The following ABL2 variants were observed in gnomAD, a reference collection of about 807,000 sequenced individuals.
ABL2 encodes tyrosine-protein kinase ABL2.
ABL2 carries 49 observed loss-of-function variants against 107.7 expected under a neutral mutation model. The ratio of observed to expected loss-of-function variants is 0.45; its 90% CI spans 0.36 to 0.58. The LOEUF is 0.58. Among genes scored for constraint, ABL2 ranks in the 20% least tolerant of loss-of-function variants. ABL2 has a pLI of 0.00. For synonymous variants in ABL2, 549 were observed against 548.6 expected (o/e 1.00, Z -0.01); for missense variants, 1,245 against 1,457.0 (o/e 0.85, Z 2.37).
intron 1 of ABL2, 71 bp downstream of exon 1, chr1:179,229,170 G>GCCCCCCCCCCCCCCCCCCC: frequency 1.5e-5 from 4 of 266,256 alleles, no homozygotes; most frequent in South Asian, 5.8e-5. Flanking sequence ...CAGCCCGTCC[G>GCCCCCCCCCCCCCCCCCCC]CCACCCACCC....
intron 1 of ABL2, among the ~76,000 whole-genome samples, chr1:179,206,762 T>C (rs911069255): frequency 2.6e-5 from 4 of 152,158 alleles, no homozygotes; most frequent in African/African-American, 9.7e-5. Context: ...ATAAATGTAC[T>C]GACCCTTCAA....
At chr1:179,140,621 GA>G (rs1202055283) in intron 1 of ABL2, among the ~76,000 whole-genome samples, 1 of 152,162 alleles carries the variant, frequency 6.6e-6, no homozygotes, top group Non-Finnish European at 1.5e-5. Flanking sequence ...AAGATTTGCT[GA>G]ATGAATGAAC....
At chr1:179,118,172 C>T (rs916815313) in intron 7 of ABL2, among the ~76,000 whole-genome samples, 2 of 147,226 alleles carry the variant, frequency 1.4e-5, no homozygotes, top group Non-Finnish European at 3.0e-5. Flanking sequence ...AAAAAAAAAG[C>T]CACTAGATGG....
chr1:179,122,016 C>T (rs989603371), intron 4 of ABL2, 149 bp from the exon 5 acceptor site: 2 of 765,592 alleles, frequency 2.6e-6, no homozygotes, highest in Admixed American at 3.2e-5. Context: ...AGCTCCGCCT[C>T]CCGGGTTCAC....
chr1:179,100,909 A>T lies in ABL2; in HGVS notation c.*6809T>A. On this transcript the variant is annotated 3_prime_UTR_variant, in exon 12 of 12. Transcript: ENST00000502732. ...AAGGTAAGATTTTTGTAGGAGAGGTAAACAATTTCAAAGTTAGAGATGTAC... is the reference window on the plus strand; with the variant it reads ...AAGGTAAGATTTTTGTAGGAGAGGTTAACAATTTCAAAGTTAGAGATGTAC... The T allele has an allele frequency of 4.3e-6, 1 of 232,786 alleles. No homozygotes were observed. The highest frequency in any genetic ancestry group is 8.5e-6 in the Non-Finnish European group (1 of 117,728). The allele number at this position is 232,786 out of a possible 1,614,324, so 14.4% of individuals were successfully genotyped here. A position where few individuals can be genotyped will look rare whatever the true frequency, so the allele number is the denominator to read the frequency against.
At chr1:179,150,305 T>C (rs1484243111) in intron 1 of ABL2, among the ~76,000 whole-genome samples, 1 of 152,176 alleles carries the variant, frequency 6.6e-6, no homozygotes, top group Non-Finnish European at 1.5e-5. Context: ...TAAAATCAAT[T>C]GACAACCTTT....
At chr1:179,130,732 G>T (rs1344061623) in intron 3 of ABL2, among the ~76,000 whole-genome samples, 13 of 136,090 alleles carry the variant, frequency 9.6e-5, no homozygotes, top group African/African-American at 3.7e-4. Context: ...GATTTTGTGT[G>T]TGTGTGTGTG....
chr1:179,162,924 T>A (rs1396201456), intron 1 of ABL2, among the ~76,000 whole-genome samples: 4 of 152,120 alleles, frequency 2.6e-5, no homozygotes, highest in African/African-American at 7.2e-5. Context: ...ATTGTCTTTT[T>A]AATAAGAAAA....
chr1:179,217,659 C>T (rs1273239276), intron 1 of ABL2, among the ~76,000 whole-genome samples: 1 of 150,734 alleles, frequency 6.6e-6, no homozygotes, highest in Non-Finnish European at 1.5e-5. Context: ...ATATTAGTAA[C>T]ACTAAGCCTA....
At chr1:179,150,474 T>A (rs1407742093) in intron 1 of ABL2, among the ~76,000 whole-genome samples, 2 of 152,194 alleles carry the variant, frequency 1.3e-5, no homozygotes, top group African/African-American at 4.8e-5. Flanking sequence ...TAATTGCAGA[T>A]GTGGTGGAAA....
At chr1:179,157,287 G>A (rs956025836) in intron 1 of ABL2, among the ~76,000 whole-genome samples, 2 of 152,118 alleles carry the variant, frequency 1.3e-5, no homozygotes, top group Non-Finnish European at 1.5e-5. Context: ...ATGAGGTCAG[G>A]AGTTCGAGAC....
At chr1:179,216,106 T>G (rs1474328620) in intron 1 of ABL2, among the ~76,000 whole-genome samples, 1 of 152,184 alleles carries the variant, frequency 6.6e-6, no homozygotes, top group East Asian at 1.9e-4. Flanking sequence ...AGCTTTAGCG[T>G]TCTGCTGGAT....
intron 3 of ABL2, among the ~76,000 whole-genome samples, chr1:179,130,313 G>A (rs1656164206): frequency 6.6e-6 from 1 of 152,214 alleles, no homozygotes; most frequent in Non-Finnish European, 1.5e-5. Context: ...GAATGTCTGC[G>A]AACTTGACTG....
At chr1:179,131,066 G>T in intron 3 of ABL2, 1 of 261,502 alleles carries the variant, frequency 3.8e-6, no homozygotes, top group Non-Finnish European at 7.7e-6. Flanking sequence ...TCAGCCTCCT[G>T]AGTAGCTGGG....
intron 4 of ABL2, among the ~76,000 whole-genome samples, chr1:179,123,527 G>A (rs549659783): frequency 6.6e-6 from 1 of 152,224 alleles, no homozygotes; most frequent in South Asian, 2.1e-4. Context: ...GAGCCACACT[G>A]GATTTCACAG....
intron 1 of ABL2, among the ~76,000 whole-genome samples, chr1:179,147,799 A>G (rs1460483374): frequency 2.1e-4 from 32 of 152,228 alleles, no homozygotes. Flanking sequence ...CCACTAGGCA[A>G]TATATCCATG....
rs186136937 is a variant in ABL2, at chr1:179,101,167, C to T, written c.*6551G>A. 2.2e-5 allele frequency: 5 copies of T among 228,608 alleles called. No homozygotes were observed. Among genetic ancestry groups the T allele is most frequent in the East Asian group, 1.9e-4 (3 of 16,030 alleles). The allele number at this position is 228,608 out of a possible 1,614,324, so 14.2% of individuals were successfully genotyped here. A position where few individuals can be genotyped will look rare whatever the true frequency, so the allele number is the denominator to read the frequency against. On this transcript the variant is annotated 3_prime_UTR_variant, in exon 12 of 12. Coordinates refer to ENST00000502732, the MANE Select transcript of ABL2 (RefSeq NM_007314.4). ...CTGACAAGTCTTTTCCTCTCTGAGA[C>T]TCATGAAACCCATCTTTGAAGGCAC...
intron 1 of ABL2, among the ~76,000 whole-genome samples, chr1:179,200,825 G>C (rs1458645215): frequency 6.6e-6 from 1 of 152,130 alleles, no homozygotes; most frequent in Non-Finnish European, 1.5e-5. Flanking sequence ...AGGTACATGG[G>C]GCAATGTCCA....
At chr1:179,162,441 C>T (rs1659123472) in intron 1 of ABL2, among the ~76,000 whole-genome samples, 1 of 151,928 alleles carries the variant, frequency 6.6e-6, no homozygotes, top group Non-Finnish European at 1.5e-5. Flanking sequence ...AAAAATTAGC[C>T]GGGCATGGTG....
Sources: allele counts gnomAD v4.1 joint callset (sites outside exome capture counted in the v4.1 genomes callset), GRCh38; gene constraint gnomAD v4.1.1; transcripts MANE v1.5; gene names NCBI Gene and HGNC (gene_info 2026-07-23, HGNC 2026-07-21).